Variants in PCDHA1 observed in about 807,000 individuals in gnomAD.
The protein encoded by PCDHA1 is protocadherin alpha-1.
PCDHA1 carries 42 observed loss-of-function variants against 61.3 expected under a neutral mutation model. That is an observed-to-expected ratio of 0.69 (90% CI 0.54 to 0.89). The LOEUF (loss-of-function observed/expected upper bound fraction) is 0.89. Ranked by LOEUF, PCDHA1 falls within the 40% of genes least tolerant of loss-of-function variation. The pLI is 0.00. For missense variants in PCDHA1, 1,256 were observed against 1,235.3 expected (o/e 1.02, Z -0.25); for synonymous variants, 610 against 553.8 (o/e 1.10, Z -1.43).
intron 1 of PCDHA1, chr5:140,882,792 A>C (rs367665995): frequency 6.2e-7 from 1 of 1,614,144 alleles, no homozygotes; most frequent in Non-Finnish European, 8.5e-7. Flanking sequence ...CTGGATCCCA[A>C]CGATTATTTC....
chr5:140,871,489 G>A (rs782277615), intron 1 of PCDHA1: 6 of 1,590,138 alleles, frequency 3.8e-6, no homozygotes, highest in Non-Finnish European at 5.1e-6. Flanking sequence ...AAATCACCCC[G>A]GACAGGTGAG....
rs142105240 is a variant in PCDHA1, at chr5:140,882,817, A to G, written c.2394+94133A>G. The G allele has an allele frequency of 5.3e-5, 86 of 1,614,242 alleles. 1 individual carries two copies. The African/African-American group carries it at 9.9e-4, about 19-fold the overall frequency. The stretch of plus-strand genomic sequence containing the variant: ...ACGATTATTTCACTTTGGACGCACA[A>G]AACAGTCTTGAGCAAATGTCTTCAT... On this transcript the variant is annotated intron_variant, in intron 1 of 3. Transcript: ENST00000504120.
At chr5:140,794,823 G>A (rs1761881798) in intron 1 of PCDHA1, 1 of 900,040 alleles carries the variant, frequency 1.1e-6, no homozygotes, top group Non-Finnish European at 1.7e-6. Flanking sequence ...GTGTTCTCTA[G>A]GAAGGAAAAT....
chr5:140,823,739 AG>A, intron 1 of PCDHA1: 1 of 1,613,790 alleles, frequency 6.2e-7, no homozygotes, highest in Non-Finnish European at 8.5e-7. Flanking sequence ...GACCATGGAG[AG>A]CCCCCGCTGA....
chr5:140,786,853 T>A lies in PCDHA1; in HGVS notation c.563T>A (p.Leu188Gln). 6.2e-7 allele frequency: 1 copy of A among 1,614,222 alleles called. No homozygotes were observed. Among genetic ancestry groups the A allele is most frequent in the South Asian group, 1.1e-5 (1 of 91,088 alleles). Residue 188 changes from leucine (L) to glutamine (Q), a missense_variant, in exon 1 of 4, where the codon CTG (leucine) becomes CAG (glutamine). Leu to Gln is a moderately radical substitution (Grantham distance 113, BLOSUM62 -2). Transcript: ENST00000504120. ...TTGGATGTAGAGGCAAGTGATGAAC[T>A]GAGTAAATCTCTTTGGCTTGAATTG... ...FSLDVEASDELSKSLWLELRK... is the reference protein window; with the variant it reads ...FSLDVEASDEQSKSLWLELRK...
Position 140,982,457 on chromosome 5 carries a change from G to A in PCDHA1, c.2454-18G>A, listed in dbSNP as rs782510565. 6.2e-7 allele frequency: 1 copy of A among 1,613,966 alleles called. No homozygotes were observed. Among genetic ancestry groups the A allele is most frequent in the African/African-American group, 1.3e-5 (1 of 74,916 alleles). ...AATTTATGATCTAACCGTTATCTGG[G>A]TCTGTGTGTTTATTCAGCTCTGTGC... On this transcript the variant is annotated intron_variant, in intron 2 of 3. Transcript: ENST00000504120.
chr5:140,811,120 T>C (rs1764796330), intron 1 of PCDHA1: 1 of 152,238 alleles, frequency 6.6e-6, no homozygotes, highest in South Asian at 2.1e-4. Flanking sequence ...CAACTCATCA[T>C]TTACATTAGG....
chr5:140,798,578 T>G (rs1283080104), intron 1 of PCDHA1, among the ~76,000 whole-genome samples: 1 of 152,188 alleles, frequency 6.6e-6, no homozygotes, highest in East Asian at 1.9e-4. Context: ...CTGCAGAGAT[T>G]GACTACTTTT....
At chr5:140,842,662 C>A in intron 1 of PCDHA1, 1 of 1,595,426 alleles carries the variant, frequency 6.3e-7, no homozygotes, top group East Asian at 2.2e-5. Context: ...AGGTGGCCGA[C>A]GTGAACGACA....
intron 1 of PCDHA1, chr5:140,850,309 C>G (rs781788388): frequency 6.3e-7 from 1 of 1,596,972 alleles, no homozygotes; most frequent in East Asian, 2.2e-5. Flanking sequence ...GGCTACAACG[C>G]GTGGCTTTCA....
intron 1 of PCDHA1, among the ~76,000 whole-genome samples, chr5:140,799,010 G>T (rs1762385867): frequency 6.6e-6 from 1 of 152,144 alleles, no homozygotes; most frequent in Admixed American, 6.5e-5. Context: ...TGACCACTAT[G>T]TTTCTACCAT....
chr5:141,007,395 C>CAAAAAAAAAAAAAAAAAAAAAAAAAAA (rs35800918), intron 3 of PCDHA1, among the ~76,000 whole-genome samples: 1 of 94,866 alleles, frequency 1.1e-5, no homozygotes, highest in Non-Finnish European at 2.1e-5. Context: ...TACTAAAATA[C>CAAAAAAAAAAAAAAAAAAAAAAAAAAA]AAAAAAAAAA....
At chr5:140,932,707 A>G (rs147056775) in intron 1 of PCDHA1, among the ~76,000 whole-genome samples, 1 of 152,086 alleles carries the variant, frequency 6.6e-6, no homozygotes, top group African/African-American at 2.4e-5. Flanking sequence ...CATATAGACA[A>G]CACAATAATA....
At chr5:140,899,405 T>G (rs1369333627) in intron 1 of PCDHA1, among the ~76,000 whole-genome samples, 3 of 152,204 alleles carry the variant, frequency 2.0e-5, no homozygotes, top group Non-Finnish European at 4.4e-5. Flanking sequence ...CATGAAGGGT[T>G]GTTGAATTTT....
chr5:140,937,790 T>G (rs2091754196), intron 1 of PCDHA1, among the ~76,000 whole-genome samples: 1 of 151,512 alleles, frequency 6.6e-6, no homozygotes, highest in Non-Finnish European at 1.5e-5. Flanking sequence ...CGGGCGTATG[T>G]AGTCCCAGCT....
intron 1 of PCDHA1, among the ~76,000 whole-genome samples, chr5:140,887,705 T>G (rs1016402630): frequency 6.6e-6 from 1 of 152,172 alleles, no homozygotes; most frequent in Non-Finnish European, 1.5e-5. Context: ...TCAACCATAC[T>G]TCTTCTAATA....
rs2153463747 is a variant in PCDHA1 at position 140,899,363 on chromosome 5, C to G, written c.2395-79586C>G. On this transcript the variant is annotated intron_variant, in intron 1 of 3. Coordinates refer to ENST00000504120, the MANE Select transcript of PCDHA1 (RefSeq NM_018900.4). ...AGCTCTTATTATTTTGAGATATGTC[C>G]CATCAATACCTAATTTATTGAGAGT... Among the ~76,000 whole-genome samples, 3 of 152,122 alleles carry G rather than the reference C, an allele frequency of 2.0e-5. No individual in the cohort carries two copies. The South Asian group carries it at 6.2e-4, about 32-fold the overall frequency.
In PCDHA1 at chr5:140,941,719, C is replaced by G. The variant is rs76426901; in HGVS notation, c.2395-37230C>G. 1.5e-4 allele frequency among the ~76,000 whole-genome samples: 23 copies of G among 152,260 alleles called. No individual in the cohort carries two copies. The East Asian group carries it at 4.0e-3, about 27-fold the overall frequency. ...GGCTTAGCTTTCCTCCACAATTTGT[C>G]CTAGCAGTTCCCCATTATCTTATCA... is the stretch of plus-strand genomic sequence containing the variant. On this transcript the variant is annotated intron_variant, in intron 1 of 3. Coordinates refer to ENST00000504120, the MANE Select transcript of PCDHA1 (RefSeq NM_018900.4).
intron 1 of PCDHA1, chr5:140,855,922 T>G: frequency 8.1e-7 from 1 of 1,227,842 alleles, no homozygotes; most frequent in South Asian, 1.5e-5. Flanking sequence ...GACTAGGAAG[T>G]AGCGTCATTC....
Sources: allele counts gnomAD v4.1 joint callset (sites outside exome capture counted in the v4.1 genomes callset), GRCh38; gene constraint gnomAD v4.1.1; transcripts MANE v1.5; gene names NCBI Gene and HGNC (gene_info 2026-07-23, HGNC 2026-07-21).